PCDH9: variants seen among roughly 807,000 people sequenced by gnomAD.
PCDH9 encodes protocadherin-9.
Under a neutral mutation model 70.6 loss-of-function variants are expected in PCDH9, and 24 were observed. That is an observed-to-expected ratio of 0.34 (90% CI 0.25 to 0.48). The LOEUF (loss-of-function observed/expected upper bound fraction) is 0.48, where lower values mean the gene tolerates loss of function less well. PCDH9 is among the 20% of genes least tolerant of loss of function. PCDH9 has a pLI of 0.99. For synonymous variants in PCDH9, 562 were observed against 558.5 expected (o/e 1.01, Z -0.09); for missense variants, 1,281 against 1,503.6 (o/e 0.85, Z 2.45).
At position 66,579,852 on chromosome 13, in the gene PCDH9, T is replaced by C. The variant is rs139437722; in HGVS notation, c.3340+51358A>G. Among the ~76,000 whole-genome samples, 654 of 152,132 alleles carry C rather than the reference T, an allele frequency of 4.3e-3. 22 individuals are homozygous for C. The East Asian group carries it at 0.085, about 20-fold the overall frequency. Reference sequence around the variant, plus strand: ...ATTTGACAAAACTAGTGTTCTTAACTATTAAGTTAGAAAGAAGTAATCTTC... The same window carrying C: ...ATTTGACAAAACTAGTGTTCTTAACCATTAAGTTAGAAAGAAGTAATCTTC... On this transcript the variant is annotated intron_variant, in intron 4 of 4. Transcript: ENST00000377865.
At chr13:66,472,590 A>G (rs1254159127) in intron 4 of PCDH9, among the ~76,000 whole-genome samples, 2 of 152,178 alleles carry the variant, frequency 1.3e-5, no homozygotes, top group East Asian at 3.9e-4. Flanking sequence ...CAACAACCAA[A>G]CACATCCATA....
chr13:66,730,668 T>C (rs921385506), intron 3 of PCDH9, among the ~76,000 whole-genome samples: 1 of 150,042 alleles, frequency 6.7e-6, no homozygotes, highest in African/African-American at 2.5e-5. Context: ...GGTGCACATA[T>C]AATATATATT....
At chr13:66,514,891 T>C (rs2138593245) in intron 4 of PCDH9, among the ~76,000 whole-genome samples, 1 of 152,218 alleles carries the variant, frequency 6.6e-6, no homozygotes, top group African/African-American at 2.4e-5. Flanking sequence ...GATAAACCCA[T>C]AATAGTCCAT....
At chr13:66,771,264 T>C (rs765639639) in intron 3 of PCDH9, among the ~76,000 whole-genome samples, 16 of 152,174 alleles carry the variant, frequency 1.1e-4, no homozygotes, top group East Asian at 1.9e-4. Context: ...AATCTTAATA[T>C]AGTAATTGGT....
At chr13:66,396,822 G>A (rs888516814) in intron 4 of PCDH9, among the ~76,000 whole-genome samples, 1 of 152,130 alleles carries the variant, frequency 6.6e-6, no homozygotes, top group Non-Finnish European at 1.5e-5. Flanking sequence ...GTTGAGTACA[G>A]TATTACAGAT....
At chr13:66,926,408 C>A (rs1257086425) in intron 2 of PCDH9, among the ~76,000 whole-genome samples, 1 of 151,992 alleles carries the variant, frequency 6.6e-6, no homozygotes, top group Non-Finnish European at 1.5e-5. Context: ...GGCTCCTAAT[C>A]CAAACTTCCT....
chr13:67,144,757 T>C (rs1451170893), intron 2 of PCDH9, among the ~76,000 whole-genome samples: 1 of 152,176 alleles, frequency 6.6e-6, no homozygotes, highest in Non-Finnish European at 1.5e-5. Flanking sequence ...GAGTATGGTA[T>C]ACATTAAGGA....
intron 3 of PCDH9, among the ~76,000 whole-genome samples, chr13:66,827,306 A>T (rs1321204317): frequency 2.0e-5 from 3 of 149,084 alleles, no homozygotes; most frequent in Non-Finnish European, 4.4e-5. Flanking sequence ...TAAGCCATTA[A>T]GTTTGTGGCA....
At chr13:66,680,111 T>C (rs1025422196) in intron 3 of PCDH9, among the ~76,000 whole-genome samples, 3 of 151,938 alleles carry the variant, frequency 2.0e-5, no homozygotes, top group Non-Finnish European at 4.4e-5. Context: ...GGATTGACTA[T>C]GTCCAAGGCT....
intron 2 of PCDH9, among the ~76,000 whole-genome samples, chr13:66,956,972 T>A (rs2083274268): frequency 6.6e-6 from 1 of 152,102 alleles, no homozygotes; most frequent in Admixed American, 6.6e-5. Context: ...CAGACTGAAT[T>A]TTCTATATTT....
At chr13:67,018,592 C>A (rs1157738468) in intron 2 of PCDH9, among the ~76,000 whole-genome samples, 9 of 142,118 alleles carry the variant, frequency 6.3e-5, no homozygotes, top group African/African-American at 2.1e-4. Flanking sequence ...GCACTTCAGC[C>A]TGGCAACAGA....
intron 3 of PCDH9, among the ~76,000 whole-genome samples, chr13:66,875,082 CACTA>C (rs1263118170): frequency 2.0e-5 from 3 of 152,028 alleles, no homozygotes; most frequent in Non-Finnish European, 4.4e-5. Flanking sequence ...AACTTCAGGC[CACTA>C]ACTAACATCT....
At chr13:66,429,476 TACAAAAAATGTTTTCTAA>T (rs1957733039) in intron 4 of PCDH9, among the ~76,000 whole-genome samples, 1 of 150,448 alleles carries the variant, frequency 6.6e-6, no homozygotes, top group Non-Finnish European at 1.5e-5. Flanking sequence ...AAAAAGACTA[TACAAAAAATGTTTTCTAA>T]TACAGAACAT....
chr13:67,023,153 CT>C lies in PCDH9; in HGVS notation c.3037-119549del, dbSNP rs78287460. ...GTTTAGGAAAGCTATCATGAAAATC[CT>C]TTTTTTTTTTTTAGCCTTCATAGCT... On this transcript the variant is annotated intron_variant, in intron 2 of 4. Coordinates refer to ENST00000377865, the MANE Select transcript of PCDH9 (RefSeq NM_203487.3). Among the ~76,000 whole-genome samples the C allele has an allele frequency of 5.5e-3, 797 of 145,418 alleles. 1 individual carries two copies. Among genetic ancestry groups the C allele is most frequent in the East Asian group, 0.014 (67 of 4,952 alleles).
At chr13:66,634,021 T>C (rs1053215583) in intron 3 of PCDH9, among the ~76,000 whole-genome samples, 2 of 152,196 alleles carry the variant, frequency 1.3e-5, no homozygotes, top group African/African-American at 4.8e-5. Flanking sequence ...TATAGCTTAT[T>C]AGAGTCTGTT....
chr13:66,758,853 G>C (rs1473736087), intron 3 of PCDH9, among the ~76,000 whole-genome samples: 1 of 151,830 alleles, frequency 6.6e-6, no homozygotes, highest in Non-Finnish European at 1.5e-5. Flanking sequence ...AATCTTTGTA[G>C]GTTATATGTC....
intron 2 of PCDH9, among the ~76,000 whole-genome samples, chr13:66,934,038 CTGACAAAT>C (rs2082862679): frequency 6.6e-6 from 1 of 152,014 alleles, no homozygotes; most frequent in Admixed American, 6.6e-5. Context: ...ACAAATCATG[CTGACAAAT>C]ACACTCATCA....
intron 3 of PCDH9, among the ~76,000 whole-genome samples, chr13:66,831,062 C>G (rs952294125): frequency 6.6e-6 from 1 of 152,098 alleles, no homozygotes; most frequent in Non-Finnish European, 1.5e-5. Context: ...TACATACAGA[C>G]TCTAGGAGGT....
At chr13:67,193,363 ACAC>A in intron 2 of PCDH9, among the ~76,000 whole-genome samples, 2 of 147,416 alleles carry the variant, frequency 1.4e-5, no homozygotes, top group Admixed American at 6.8e-5. Flanking sequence ...ACACACACAC[ACAC>A]AACATAGGAG....
Sources: allele counts gnomAD v4.1 joint callset (sites outside exome capture counted in the v4.1 genomes callset), GRCh38; gene constraint gnomAD v4.1.1; transcripts MANE v1.5; gene names NCBI Gene and HGNC (gene_info 2026-07-23, HGNC 2026-07-21).